SENP1: variants seen among roughly 807,000 people sequenced by gnomAD.
The protein encoded by SENP1 is SUMO specific peptidase 1.
Under a neutral mutation model 93.0 loss-of-function variants are expected in SENP1, and 21 were observed. The ratio of observed to expected loss-of-function variants is 0.23; its 90% CI spans 0.16 to 0.33. SENP1 has a LOEUF of 0.33. Among genes scored for constraint, SENP1 ranks in the 10% least tolerant of loss-of-function variants. The probability of loss-of-function intolerance (pLI) is 1.00; values close to 1 mark genes in which losing one functional copy is unlikely to be tolerated. For missense variants in SENP1, 591 were observed against 758.7 expected, an observed-to-expected ratio of 0.78 and a Z score of 2.60; for synonymous variants, 256 against 259.6, an observed-to-expected ratio of 0.99 and a Z score of 0.13.
At chr12:48,065,377 C>T (rs1943230602) in intron 11 of SENP1, among the ~76,000 whole-genome samples, 157 bp from the exon 12 acceptor site, 1 of 152,116 alleles carries the variant, frequency 6.6e-6, no homozygotes, top group Non-Finnish European at 1.5e-5. Flanking sequence ...AATCATTAGT[C>T]GAACCATCAC....
chr12:48,089,020 T>C, intron 4 of SENP1, 60 bp from the exon 5 acceptor site: 1 of 1,554,262 alleles, frequency 6.4e-7, no homozygotes. Context: ...TCCTTATGAC[T>C]GCAACCATGA....
At chr12:48,072,942 A>G (rs1043868839) in intron 8 of SENP1, among the ~76,000 whole-genome samples, 1 of 152,024 alleles carries the variant, frequency 6.6e-6, no homozygotes, top group African/African-American at 2.4e-5. Context: ...CATGATCTAC[A>G]ATGCGACTGA....
At chr12:48,094,989 T>TTA (rs1945458290) in intron 4 of SENP1, among the ~76,000 whole-genome samples, 1 of 152,186 alleles carries the variant, frequency 6.6e-6, no homozygotes, top group South Asian at 2.1e-4. Context: ...ATAATAATGG[T>TTA]AGTAGAGTTA....
intron 5 of SENP1, chr12:48,085,182 A>G: frequency 3.4e-6 from 5 of 1,463,526 alleles, no homozygotes; most frequent in Non-Finnish European, 4.8e-6. Context: ...GGTGGTGGAG[A>G]AGGATACGAC....
intron 1 of SENP1, among the ~76,000 whole-genome samples, chr12:48,104,228 T>TAC (rs1946208825): frequency 3.6e-5 from 1 of 27,478 alleles, no homozygotes; most frequent in African/African-American, 2.6e-4. Context: ...AAGAAAAAAA[T>TAC]ATATATAGAG....
At chr12:48,102,190 C>A (rs996458105) in intron 1 of SENP1, among the ~76,000 whole-genome samples, 1 of 152,018 alleles carries the variant, frequency 6.6e-6, no homozygotes, top group African/African-American at 2.4e-5. Context: ...TTTGGGAGGC[C>A]GAGGAGGGCA....
At chr12:48,067,888 TCTCA>T (rs1250531852) in intron 9 of SENP1, among the ~76,000 whole-genome samples, 6 of 152,136 alleles carry the variant, frequency 3.9e-5, no homozygotes, top group Non-Finnish European at 8.8e-5. Flanking sequence ...GTTTTTTGAC[TCTCA>T]CTCTGTTGCC....
chr12:48,066,499 T>C lies in SENP1; in HGVS notation c.1034+428A>G, dbSNP rs570689389. On this transcript the variant is annotated intron_variant, in intron 10 of 17. Transcript: ENST00000549518. ...TTTTGAAAACCCAACAACTTAAAAG[T>C]ATAAACAGGCACTTCTTTTTTTTTT... is the stretch of plus-strand genomic sequence containing the variant. Among the ~76,000 whole-genome samples, 7 of 151,882 alleles carry C rather than the reference T, an allele frequency of 4.6e-5. No individual in the cohort carries two copies. The South Asian group carries it at 1.5e-3, about 32-fold the overall frequency.
intron 13 of SENP1, among the ~76,000 whole-genome samples, chr12:48,060,274 T>C (rs1226024309): frequency 3.3e-5 from 5 of 152,244 alleles, no homozygotes; most frequent in African/African-American, 1.2e-4. Flanking sequence ...AAGTAAGTTT[T>C]ATTTACTTGT....
At chr12:48,079,858 T>C (rs527990349) in intron 6 of SENP1, among the ~76,000 whole-genome samples, 26 of 152,338 alleles carry the variant, frequency 1.7e-4, no homozygotes, top group Middle Eastern at 3.4e-3. Context: ...AAGTAATAAC[T>C]TTATACCATA....
Position 48,065,694 on chromosome 12 carries a change from AG to A in SENP1, c.1035-15del. On this transcript the variant is annotated splice_polypyrimidine_tract_variant and intron_variant, in intron 10 of 17. Coordinates refer to ENST00000549518, the MANE Select transcript of SENP1 (RefSeq NM_001267594.2). ...TAAACACTAGTTCTAGAAAATGAAA[AG>A]GAACGTGACCAAATGTAGACCACTC... is the stretch of plus-strand genomic sequence containing the variant. 1.3e-6 allele frequency: 2 copies of A among 1,530,450 alleles called. No individual in the cohort carries two copies. The highest frequency in any genetic ancestry group is 1.8e-6 in the Non-Finnish European group (2 of 1,127,444). The allele number at this position is 1,530,450 out of a possible 1,614,324, so 94.8% of individuals were successfully genotyped here.
chr12:48,100,181 C>A (rs1225717380), intron 2 of SENP1, among the ~76,000 whole-genome samples: 1 of 152,138 alleles, frequency 6.6e-6, no homozygotes, highest in African/African-American at 2.4e-5. Context: ...TAGTCCTGAC[C>A]TTATATTGAT....
intron 13 of SENP1, among the ~76,000 whole-genome samples, chr12:48,058,743 C>T (rs1408974969): frequency 6.6e-6 from 1 of 152,184 alleles, no homozygotes; most frequent in African/African-American, 2.4e-5. Context: ...AGCAATTCCA[C>T]TCTTCATTCC....
At chr12:48,097,393 GAA>G (rs1945639004) in intron 3 of SENP1, among the ~76,000 whole-genome samples, 2 of 152,268 alleles carry the variant, frequency 1.3e-5, no homozygotes, top group Admixed American at 6.5e-5. Flanking sequence ...CTATAATTAG[GAA>G]AGATTCACAC....
chr12:48,075,919 A>G (rs1944035258), intron 6 of SENP1, among the ~76,000 whole-genome samples: 1 of 152,220 alleles, frequency 6.6e-6, no homozygotes, highest in East Asian at 1.9e-4. Context: ...AATATATAAA[A>G]GAATATTCCA....
chr12:48,088,275 G>C (rs1005444020), intron 5 of SENP1, among the ~76,000 whole-genome samples: 9 of 152,080 alleles, frequency 5.9e-5, no homozygotes, highest in African/African-American at 1.7e-4. Context: ...GGCTAGTCTG[G>C]AACTCCTGAC....
chr12:48,065,135 A>T lies in SENP1; in HGVS notation c.1205T>A (p.Val402Asp). Residue 402 changes from valine to aspartate, a missense_variant, in exon 12 of 18, where the codon GTT becomes GAT. By Grantham distance (152) the Val-to-Asp change is radical (BLOSUM62 -3). Around this residue, in one of 4 missense-constraint regions of SENP1, gnomAD observed 238 missense variants for 259.1 expected, o/e 0.92. Coordinates refer to ENST00000549518, the MANE Select transcript of SENP1 (RefSeq NM_001267594.2). The part of the protein sequence containing the change: ...VPLEKEIPVT[V>D]VQETQKKGHK... Reference sequence around the variant, plus strand: ...ACCTTTTTTTTGTGTTTCTTGGACAACAGTAACAGGAATCTCCTTTTCAAG... The same window carrying T: ...ACCTTTTTTTTGTGTTTCTTGGACATCAGTAACAGGAATCTCCTTTTCAAG... 6.2e-7 allele frequency: 1 copy of T among 1,608,246 alleles called. No individual in the cohort carries two copies. Among genetic ancestry groups the T allele is most frequent in the Non-Finnish European group, 8.5e-7 (1 of 1,174,742 alleles).
chr12:48,082,306 T>C (rs1592415389), intron 6 of SENP1, among the ~76,000 whole-genome samples: 1 of 152,236 alleles, frequency 6.6e-6, no homozygotes, highest in East Asian at 1.9e-4. Context: ...ATTTAGCAGG[T>C]AATGCTGTAT....
chr12:48,089,895 G>A (rs146620885), intron 4 of SENP1, among the ~76,000 whole-genome samples: 48 of 152,048 alleles, frequency 3.2e-4, no homozygotes, highest in East Asian at 2.3e-3. Flanking sequence ...AGAACTTTTC[G>A]CAATATTGTA....
Sources: gnomAD v4.1 joint callset for allele counts (sites outside exome capture counted in the v4.1 genomes callset) on GRCh38, gnomAD v4.1.1 for gene constraint, gnomAD v4.1.1 regional missense constraint, MANE v1.5 for transcripts, NCBI Gene and HGNC (gene_info 2026-07-23, HGNC 2026-07-21) for gene names.